Variants in AHNAK observed in about 807,000 individuals in gnomAD.
AHNAK encodes AHNAK nucleoprotein.
In AHNAK, 23 loss-of-function variants were observed where a neutral mutation model predicts 37.8. The ratio of observed to expected loss-of-function variants is 0.61; its 90% CI spans 0.44 to 0.86. The LOEUF is 0.86. Ranked by LOEUF, AHNAK falls within the 40% of genes least tolerant of loss-of-function variation. The pLI is 0.00. For synonymous variants in AHNAK, 2,481 were observed against 2,636.3 expected (o/e 0.94, Z 1.80); for missense variants, 7,411 against 7,319.4 (o/e 1.01, Z -0.46).
chr11:62,515,573 G>A (rs369629267), downstream of AHNAK, among the ~76,000 whole-genome samples: 203 of 152,314 alleles, frequency 1.3e-3, 2 homozygotes, highest in African/African-American at 4.7e-3. Flanking sequence ...GAGCCCTTTC[G>A]GTAATTCCAG....
At position 62,529,218 on chromosome 11, in the gene AHNAK, A is replaced by G. The variant is rs773085252; in HGVS notation, c.5199T>C (p.Asp1733=). The G allele has an allele frequency of 3.1e-6, 5 of 1,614,154 alleles. No homozygotes were observed. The South Asian group carries it at 5.5e-5, about 18-fold the overall frequency. Residue 1733 remains aspartate (D), a synonymous_variant, in exon 5 of 5, where the codon GAT becomes GAC. Transcript: ENST00000378024. The stretch of plus-strand genomic sequence containing the variant: ...CAATGTCAGCCTTTGGCAGATTCAC[A>G]TCCACTTCAGGGCCCTCTGCTTTGA... ...PGFKAEGPEV[D]VNLPKADIDV...
At position 62,485,068 on chromosome 11, in the gene AHNAK, C is replaced by T. The variant is rs560336367; in HGVS notation, c.442+6664G>A. 6.6e-5 allele frequency among the ~76,000 whole-genome samples: 10 copies of T among 152,212 alleles called. No homozygotes were observed. In the South Asian group the frequency reaches 2.1e-3, roughly 32 times the overall value. On this transcript the variant is annotated intron_variant, in intron 5 of 5. Transcript: ENST00000257247. ...CCTCCCAAAGTGCTGGGATTACAGGCGTGAGCCACCGTGCCTGGCCTTTGA... is the reference window on the plus strand; with the variant it reads ...CCTCCCAAAGTGCTGGGATTACAGGTGTGAGCCACCGTGCCTGGCCTTTGA...
At chr11:62,434,047 A>G (rs1325534683) in intron 5 of AHNAK, among the ~76,000 whole-genome samples, 1 of 152,074 alleles carries the variant, frequency 6.6e-6, no homozygotes, top group Non-Finnish European at 1.5e-5. Context: ...GAAGGGATAG[A>G]TTTGGAAAGG....
Position 62,527,774 on chromosome 11 carries a change from C to T in AHNAK, c.6643G>A (p.Val2215Met), listed in dbSNP as rs565144763. 89 of 1,614,000 alleles carry T rather than the reference C, an allele frequency of 5.5e-5. 1 individual carries two copies. In the South Asian group the frequency reaches 9.4e-4, roughly 17 times the overall value. The part of the protein sequence containing the change: ...SVPKVEGEMK[V>M]PDVDIRGPKV... ...GGCCCTCTGATGTCAACATCTGGCA[C>T]TTTCATTTCACCTTCTACCTTGGGA... The change falls in exon 5 of 5, where the codon GTG (valine) becomes ATG (methionine). Residue 2215 changes from valine (V) to methionine (M), a missense_variant. Transcript: ENST00000378024.
At chr11:62,443,411 T>C (rs1166510126) in intron 5 of AHNAK, among the ~76,000 whole-genome samples, 2 of 151,922 alleles carry the variant, frequency 1.3e-5, no homozygotes, top group Non-Finnish European at 2.9e-5. Context: ...TAGCTAGGAT[T>C]ACAGGCATGC....
At chr11:62,537,605 A>G (rs1477227680) in intron 1 of AHNAK, 1 of 151,978 alleles carries the variant, frequency 6.6e-6, no homozygotes, top group Non-Finnish European at 1.5e-5. Context: ...ACAGACAGAG[A>G]CTGAGTCTCT....
Position 62,517,634 on chromosome 11 carries a change from C to G in AHNAK, c.16783G>C (p.Gly5595Arg). 6.2e-7 allele frequency: 1 copy of G among 1,614,122 alleles called. No homozygotes were observed. Among genetic ancestry groups the G allele is most frequent in the South Asian group, 1.1e-5 (1 of 91,082 alleles). ...EGHLSVKGSG[G>R]EWKGPQVSSA... ...GAGACTTGGGGTCCCTTCCACTCAC[C>G]CCCGGAACCTTTAACACTCAAATGC... Residue 5595 changes from glycine (G) to arginine (R), a missense_variant, in exon 5 of 5, where the codon GGT becomes CGT. Physicochemically the swap from Gly to Arg is moderately radical, Grantham distance 125 (BLOSUM62 -2). Transcript: ENST00000378024.
At chr11:62,538,488 C>T (rs1174652033) in intron 1 of AHNAK, among the ~76,000 whole-genome samples, 1 of 152,232 alleles carries the variant, frequency 6.6e-6, no homozygotes, top group Non-Finnish European at 1.5e-5. Flanking sequence ...GTGGGGGACA[C>T]TATAAGTCAT....
At chr11:62,498,191 T>C in intron 4 of AHNAK, among the ~76,000 whole-genome samples, 1 of 152,134 alleles carries the variant, frequency 6.6e-6, no homozygotes, top group Admixed American at 6.5e-5. Context: ...TTGTTGTGGT[T>C]GTTGTGTCGT....
intron 5 of AHNAK, among the ~76,000 whole-genome samples, chr11:62,448,898 T>G (rs973730928): frequency 2.6e-5 from 4 of 152,082 alleles, no homozygotes; most frequent in Non-Finnish European, 5.9e-5. Context: ...TGAAACCCCA[T>G]TTCTATTAAA....
At chr11:62,471,332 G>A (rs115132870) in intron 5 of AHNAK, among the ~76,000 whole-genome samples, 2 of 152,150 alleles carry the variant, frequency 1.3e-5, no homozygotes, top group African/African-American at 2.4e-5. Context: ...CAGAAGGCAC[G>A]CCAGGCTAAT....
chr11:62,440,072 C>G (rs149753415), intron 5 of AHNAK, among the ~76,000 whole-genome samples: 1 of 152,140 alleles, frequency 6.6e-6, no homozygotes, highest in South Asian at 2.1e-4. Flanking sequence ...TTCCTTGCCA[C>G]GGGGCCATCC....
At chr11:62,482,629 T>C (rs1215189208) in intron 5 of AHNAK, among the ~76,000 whole-genome samples, 2 of 152,156 alleles carry the variant, frequency 1.3e-5, no homozygotes, top group African/African-American at 2.4e-5. Context: ...ATTTACGCCA[T>C]GCCCGACACA....
At chr11:62,454,423 AAAAAAG>A (rs1304843797) in intron 5 of AHNAK, among the ~76,000 whole-genome samples, 138 of 133,682 alleles carry the variant, frequency 1.0e-3, no homozygotes, top group Non-Finnish European at 1.6e-3. Context: ...AAAAAAAAAA[AAAAAAG>A]AAAAGAAAAG....
chr11:62,523,373 C>T lies in AHNAK; in HGVS notation c.11044G>A (p.Gly3682Arg), dbSNP rs758863714. 3.1e-6 allele frequency: 5 copies of T among 1,612,508 alleles called. No homozygotes were observed. The African/African-American group carries it at 6.7e-5, about 22-fold the overall frequency. ...SMPDFDLNLKGPKMKGDVVVS... is the reference protein window; with the variant it reads ...SMPDFDLNLKRPKMKGDVVVS... The stretch of plus-strand genomic sequence containing the variant: ...ACCACATCACCCTTCATTTTGGGTC[C>T]CTTCAAGTTCAGGTCAAAGTCAGGC... Residue 3682 changes from glycine to arginine, a missense_variant, in exon 5 of 5, where the codon GGA becomes AGA. By Grantham distance (125) the Gly-to-Arg change is moderately radical. Coordinates refer to ENST00000378024, the MANE Select transcript of AHNAK (RefSeq NM_001620.3).
intron 5 of AHNAK, among the ~76,000 whole-genome samples, chr11:62,484,876 G>A (rs1282627707): frequency 6.6e-6 from 1 of 152,118 alleles, no homozygotes; most frequent in African/African-American, 2.4e-5. Flanking sequence ...CACAACCTCC[G>A]CCTCCCGGGT....
At chr11:62,501,716 C>T (rs973550131) in intron 4 of AHNAK, among the ~76,000 whole-genome samples, 8 of 152,246 alleles carry the variant, frequency 5.3e-5, no homozygotes, top group Non-Finnish European at 1.2e-4. Flanking sequence ...TGCTGCCCAG[C>T]AAATACACAG....
chr11:62,496,443 T>C (rs1338738220), intron 4 of AHNAK, among the ~76,000 whole-genome samples: 1 of 152,166 alleles, frequency 6.6e-6, no homozygotes, highest in Non-Finnish European at 1.5e-5. Flanking sequence ...CAAAGAACTA[T>C]GCCTAGAGAA....
At chr11:62,511,240 TG>T (rs1463998955), downstream of AHNAK, among the ~76,000 whole-genome samples, 3 of 151,420 alleles carry the variant, frequency 2.0e-5, no homozygotes, top group African/African-American at 7.3e-5. Context: ...GCTTGTTTTT[TG>T]TTTTTTTTTT....
Sources: gnomAD v4.1 joint callset for allele counts (sites outside exome capture counted in the v4.1 genomes callset) on GRCh38, gnomAD v4.1.1 for gene constraint, MANE v1.5 for transcripts, NCBI Gene and HGNC (gene_info 2026-07-23, HGNC 2026-07-21) for gene names.